VPS37A: variants seen among roughly 807,000 people sequenced by gnomAD.
VPS37A encodes VPS37A subunit of ESCRT-I.
Under a neutral mutation model 49.8 loss-of-function variants are expected in VPS37A, and 30 were observed. The observed-to-expected ratio is 0.60, with a 90% CI of 0.45 to 0.82. VPS37A has a LOEUF of 0.82. Ranked by LOEUF, VPS37A falls within the 40% of genes least tolerant of loss-of-function variation. The pLI is 0.00. For missense variants in VPS37A, 593 were observed against 464.4 expected (o/e 1.28, Z -2.55); for synonymous variants, 195 against 160.6 (o/e 1.21, Z -1.62).
intron 4 of VPS37A, among the ~76,000 whole-genome samples, chr8:17,270,088 A>C (rs1813834097): frequency 6.6e-6 from 1 of 152,000 alleles, no homozygotes; most frequent in Non-Finnish European, 1.5e-5. Context: ...ATCTCATGAG[A>C]ACTCACTATG....
At chr8:17,271,894 G>C in intron 4 of VPS37A, 1 of 440,178 alleles carries the variant, frequency 2.3e-6, no homozygotes, top group South Asian at 1.6e-5. Flanking sequence ...TCTTAGGGAA[G>C]CTAGGAATGA....
intron 2 of VPS37A, among the ~76,000 whole-genome samples, chr8:17,267,398 C>T (rs971817879): frequency 6.6e-6 from 1 of 152,102 alleles, no homozygotes; most frequent in Non-Finnish European, 1.5e-5. Context: ...ATCCAGTAAA[C>T]TCTCATTTTT....
chr8:17,273,133 C>G (rs1404555123), intron 4 of VPS37A, among the ~76,000 whole-genome samples: 1 of 146,244 alleles, frequency 6.8e-6, no homozygotes, highest in East Asian at 2.1e-4. Flanking sequence ...CTTATAGCCA[C>G]AAAGTATTTG....
At chr8:17,283,664 G>A (rs1329122970) in intron 9 of VPS37A, among the ~76,000 whole-genome samples, 1 of 152,092 alleles carries the variant, frequency 6.6e-6, no homozygotes, top group Non-Finnish European at 1.5e-5. Flanking sequence ...GGCCATATGT[G>A]TGAGGGTTTA....
chr8:17,279,533 G>A (rs1054249406), intron 6 of VPS37A, among the ~76,000 whole-genome samples: 6 of 152,008 alleles, frequency 3.9e-5, no homozygotes, highest in Non-Finnish European at 7.4e-5. Flanking sequence ...AGTAAGTCTG[G>A]TTCCTATCAG....
intron 10 of VPS37A, among the ~76,000 whole-genome samples, 188 bp from the exon 11 acceptor site, chr8:17,286,159 C>T (rs1433826031): frequency 1.3e-5 from 2 of 152,114 alleles, no homozygotes; most frequent in African/African-American, 4.8e-5. Flanking sequence ...CTCCTTGTAC[C>T]ATTAGTGCTA....
chr8:17,262,331 C>T (rs1014981249), intron 1 of VPS37A, among the ~76,000 whole-genome samples: 1 of 152,128 alleles, frequency 6.6e-6, no homozygotes, highest in Non-Finnish European at 1.5e-5. Flanking sequence ...TTCTCTAAAG[C>T]ATATTAAGGT....
rs369401822 is a variant in VPS37A at position 17,284,629 on chromosome 8, C to T, written c.1113+13C>T. ...GGAAAAGAGAACAGTATGTAATACT[C>T]GTCAGTTGAGGACAAGTATTGGATA... On this transcript the variant is annotated intron_variant, in intron 10 of 11. Transcript: ENST00000324849. The T allele has an allele frequency of 2.0e-5, 32 of 1,579,570 alleles. No individual in the cohort carries two copies. The African/African-American group carries it at 2.1e-4, about 10-fold the overall frequency.
chr8:17,273,994 A>G (rs765927221), intron 4 of VPS37A, among the ~76,000 whole-genome samples: 1 of 152,190 alleles, frequency 6.6e-6, no homozygotes, highest in South Asian at 2.1e-4. Context: ...TATTATTCAT[A>G]TATTGTATTT....
chr8:17,313,247 G>C, the VPS37A span: 481 of 1,433,862 alleles, frequency 3.4e-4, 1 homozygote, highest in Non-Finnish European at 4.3e-4. Flanking sequence ...GAAGTCAGTG[G>C]TTTGCTCATC....
intron 6 of VPS37A, chr8:17,279,782 C>T (rs961092196): frequency 1.8e-5 from 10 of 542,490 alleles, no homozygotes; most frequent in African/African-American, 1.1e-4. Context: ...GTAGATATAT[C>T]GATATATCCA....
chr8:17,323,460 G>C, the VPS37A span, among the ~76,000 whole-genome samples: 7 of 152,154 alleles, frequency 4.6e-5, no homozygotes, highest in South Asian at 4.2e-4. Context: ...ATCTAACAGG[G>C]AACTCCAAGC....
chr8:17,252,184 AT>A (rs2150346082), intron 1 of VPS37A, among the ~76,000 whole-genome samples: 1 of 152,118 alleles, frequency 6.6e-6, no homozygotes, highest in East Asian at 1.9e-4. Context: ...TTATTTATTT[AT>A]TTTTTGAGAC....
chr8:17,311,477 C>T, the VPS37A span: 8 of 1,613,564 alleles, frequency 5.0e-6, no homozygotes, highest in South Asian at 1.1e-5. Context: ...GGTCAAGGCA[C>T]CGCCTGTGGG....
At chr8:17,248,736 C>G (rs1811697498) in intron 1 of VPS37A, among the ~76,000 whole-genome samples, 1 of 152,122 alleles carries the variant, frequency 6.6e-6, no homozygotes, top group Non-Finnish European at 1.5e-5. Context: ...AGGCCTGATG[C>G]TGACTGAACT....
In VPS37A at chr8:17,247,376, G is replaced by A; in HGVS notation, c.125+7G>A. 6.5e-7 allele frequency: 1 copy of A among 1,542,810 alleles called. No homozygotes were observed. Among genetic ancestry groups the A allele is most frequent in the Non-Finnish European group, 8.7e-7 (1 of 1,144,930 alleles). ...TCCGGAACTCACACTCCAGGTGACTGGTCGCTGCCTCTCCACCGGAGGAAA... is the reference window on the plus strand; with the variant it reads ...TCCGGAACTCACACTCCAGGTGACTAGTCGCTGCCTCTCCACCGGAGGAAA... On this transcript the variant is annotated splice_region_variant and intron_variant, in intron 1 of 11. Coordinates refer to ENST00000324849, the MANE Select transcript of VPS37A (RefSeq NM_152415.3).
intron 1 of VPS37A, chr8:17,265,695 C>T (rs1585972517): frequency 7.4e-7 from 1 of 1,342,770 alleles, no homozygotes; most frequent in South Asian, 1.3e-5. Flanking sequence ...TCCCCCTTCC[C>T]CTGGATAGTT....
chr8:17,279,806 T>A, intron 6 of VPS37A: 1 of 611,736 alleles, frequency 1.6e-6, no homozygotes, highest in Non-Finnish European at 3.0e-6. Flanking sequence ...GACCAAAATT[T>A]ACTTTTACAG....
chr8:17,309,010 A>T, the VPS37A span, among the ~76,000 whole-genome samples: 1 of 152,220 alleles, frequency 6.6e-6, no homozygotes, highest in East Asian at 1.9e-4. Context: ...GAGGAAGGGA[A>T]GGCTGATCCT....
Sources: gnomAD v4.1 joint callset for allele counts (sites outside exome capture counted in the v4.1 genomes callset) on GRCh38, gnomAD v4.1.1 for gene constraint, MANE v1.5 for transcripts, NCBI Gene and HGNC (gene_info 2026-07-23, HGNC 2026-07-21) for gene names.